Variants in TACC3 observed in about 807,000 individuals in gnomAD.
The protein encoded by TACC3 is transforming acidic coiled-coil-containing protein 3.
TACC3 carries 52 observed loss-of-function variants against 86.0 expected under a neutral mutation model. The ratio of observed to expected loss-of-function variants is 0.60; its 90% CI spans 0.48 to 0.76. The LOEUF (loss-of-function observed/expected upper bound fraction) is 0.76, where lower values mean the gene tolerates loss of function less well. TACC3 is among the 30% of genes least tolerant of loss of function. The pLI is 0.00. For missense variants in TACC3, 1,120 were observed against 1,070.4 expected, an observed-to-expected ratio of 1.05 and a Z score of -0.65; for synonymous variants, 512 against 430.0, an observed-to-expected ratio of 1.19 and a Z score of -2.36.
At position 1,723,231 on chromosome 4, in the gene TACC3, C is replaced by T. The variant is rs1717505942; in HGVS notation, c.-1-190C>T. ...CCCTGCCAGGCTGGAGAGTGAGTCT[C>T]TGAAGCAAGATGGGGACTCAGTCTG... is the stretch of plus-strand genomic sequence containing the variant. On this transcript the variant is annotated intron_variant, in intron 1 of 15. Transcript: ENST00000313288. 6.3e-6 allele frequency: 4 copies of T among 631,612 alleles called. 1 individual carries two copies. Among genetic ancestry groups the T allele is most frequent in the African/African-American group, 1.8e-5 (1 of 54,152 alleles). The allele number at this position is 631,612 out of a possible 1,614,324, so 39.1% of individuals were successfully genotyped here. A position where few individuals can be genotyped will look rare whatever the true frequency, so the allele number is the denominator to read the frequency against.
At chr4:1,741,152 A>G in intron 13 of TACC3, 166 bp downstream of exon 13, 1 of 622,138 alleles carries the variant, frequency 1.6e-6, no homozygotes, top group East Asian at 3.0e-5. Context: ...CAGGAGTCAC[A>G]GCATAGCTGG....
rs1464807043 is a variant in TACC3, at chr4:1,735,359, AC to A, written c.1644+35del. 1 of 1,613,240 alleles carries A rather than the reference AC, an allele frequency of 6.2e-7. No homozygotes were observed. Among genetic ancestry groups the A allele is most frequent in the South Asian group, 1.1e-5 (1 of 91,074 alleles). The stretch of plus-strand genomic sequence containing the variant: ...CAGGCAATTCCGCGAAGCCTCACCC[AC>A]AGGGTGTCCGAGAGCAGCCACGGCA... On this transcript the variant is annotated intron_variant, in intron 7 of 15. Coordinates refer to ENST00000313288, the MANE Select transcript of TACC3 (RefSeq NM_006342.3). This position sits in a 1 kb window ranked among gnomAD's most constrained non-coding sequence, Gnocchi z 4.2.
chr4:1,720,666 C>G, upstream of TACC3: 1 of 1,547,106 alleles, frequency 6.5e-7, no homozygotes, highest in Non-Finnish European at 8.7e-7. The surrounding 1 kb of genome is among the most constrained non-coding windows in gnomAD (Gnocchi z 4.4). Flanking sequence ...AACAGCGTGG[C>G]GGCCGTGCGG....
intron 1 of TACC3, 103 bp from the exon 2 acceptor site, chr4:1,723,318 G>C: frequency 8.3e-7 from 1 of 1,204,986 alleles, no homozygotes; most frequent in South Asian, 1.4e-5. Context: ...GAGCACACCT[G>C]TGTGGGAAGT....
intron 10 of TACC3, among the ~76,000 whole-genome samples, chr4:1,738,521 C>T (rs1208217229): frequency 6.6e-6 from 1 of 152,210 alleles, no homozygotes; most frequent in Non-Finnish European, 1.5e-5. Context: ...GTGGCCCCTG[C>T]ATGTAACTTA....
At chr4:1,733,720 G>T (rs958937043) in intron 6 of TACC3, among the ~76,000 whole-genome samples, 1 of 152,188 alleles carries the variant, frequency 6.6e-6, no homozygotes, top group African/African-American at 2.4e-5. Flanking sequence ...GCTCACGCCC[G>T]TAATCCTAGC....
chr4:1,724,126 G>A (rs1032560127), intron 3 of TACC3, among the ~76,000 whole-genome samples: 6 of 149,692 alleles, frequency 4.0e-5, no homozygotes, highest in African/African-American at 7.4e-5. Context: ...CTGCCACCAC[G>A]CCCGGCTAAT....
In TACC3 at chr4:1,733,551, C is replaced by A. The variant is rs908431627; in HGVS notation, c.1592-1722C>A. On this transcript the variant is annotated intron_variant, in intron 6 of 15. Transcript: ENST00000313288. ...GCGTACACCTATAGTCCCAGCTGCTCGGGAAGCTGAGATGGGAGGCTCGCT... is the reference window on the plus strand; with the variant it reads ...GCGTACACCTATAGTCCCAGCTGCTAGGGAAGCTGAGATGGGAGGCTCGCT... 2.6e-5 allele frequency among the ~76,000 whole-genome samples: 4 copies of A among 151,790 alleles called. No individual in the cohort carries two copies. The South Asian group carries it at 8.3e-4, about 32-fold the overall frequency.
chr4:1,744,458 A>T, intron 13 of TACC3, 60 bp from the exon 14 acceptor site: 1 of 1,505,394 alleles, frequency 6.6e-7, no homozygotes, highest in Non-Finnish European at 9.1e-7. Flanking sequence ...CCAGACACCA[A>T]GCCTGGGTGC....
intron 4 of TACC3, among the ~76,000 whole-genome samples, chr4:1,729,129 A>G (rs1717875582): frequency 6.6e-6 from 1 of 152,120 alleles, no homozygotes; most frequent in South Asian, 2.1e-4. Flanking sequence ...TGTAACTCCA[A>G]AAGCCAGGCA....
Position 1,740,894 on chromosome 4 carries a change from C to T in TACC3, c.2131C>T (p.Leu711Phe), listed in dbSNP as rs1450919243. 6.2e-7 allele frequency: 1 copy of T among 1,613,308 alleles called. No homozygotes were observed. The highest frequency in any genetic ancestry group is 1.1e-5 in the South Asian group (1 of 91,000). Residue 711 changes from leucine to phenylalanine, a missense_variant, in exon 13 of 16, where the codon CTT becomes TTT. Leu to Phe is a conservative substitution (Grantham distance 22). Transcript: ENST00000313288. ...GAAAGTTCTAAAAGAAAAAGACCAA[C>T]TTACCACAGATCTGAACTCCATGGA... ...IQKVLKEKDQ[L>F]TTDLNSMEKS...
intron 5 of TACC3, 95 bp from the exon 6 acceptor site, chr4:1,731,077 C>A: frequency 6.3e-7 from 1 of 1,593,958 alleles, no homozygotes; most frequent in South Asian, 1.1e-5. Context: ...CGCTCCCTCT[C>A]CCCCAAGTCT....
Position 1,730,826 on chromosome 4 carries a change from G to T in TACC3, c.1386-61G>T, listed in dbSNP as rs1255961157. On this transcript the variant is annotated intron_variant, in intron 4 of 15. Transcript: ENST00000313288. ...AAGGCGATGGCAGCTCAGTGCTGGA[G>T]CAGGGGACGCCGGGGTTATGGGGTG... 4 of 1,553,524 alleles carry T rather than the reference G, an allele frequency of 2.6e-6. No homozygotes were observed. The Admixed American group carries it at 6.8e-5, about 26-fold the overall frequency.
rs763799289 is a variant in TACC3, at chr4:1,745,081, T to C, written c.*68T>C. The stretch of plus-strand genomic sequence containing the variant: ...CTGTCCTGTCTGATTCTCTTAGGTG[T>C]CATGTTCTTTTTTCTGTCTTGTCTT... On this transcript the variant is annotated 3_prime_UTR_variant, in exon 16 of 16. Coordinates refer to ENST00000313288, the MANE Select transcript of TACC3 (RefSeq NM_006342.3). The C allele has an allele frequency of 2.0e-6, 3 of 1,482,066 alleles. No homozygotes were observed. Among genetic ancestry groups the C allele is most frequent in the Non-Finnish European group, 2.7e-6 (3 of 1,095,364 alleles). 91.8% of individuals were successfully genotyped at this position (1,482,066 alleles called of 1,614,324 possible). A position where few individuals can be genotyped will look rare whatever the true frequency, so the allele number is the denominator to read the frequency against.
chr4:1,739,637 G>A (rs1718467164), intron 10 of TACC3, 65 bp from the exon 11 acceptor site: 1 of 1,468,954 alleles, frequency 6.8e-7, no homozygotes, highest in Non-Finnish European at 9.3e-7. Flanking sequence ...GCCCCATCCT[G>A]TGGGGAGGTC....
chr4:1,727,416 A>G (rs1309008585), intron 3 of TACC3, among the ~76,000 whole-genome samples: 1 of 152,192 alleles, frequency 6.6e-6, no homozygotes. Context: ...TAAACAGGCA[A>G]GCAGCCCAGA....
At chr4:1,726,169 T>C (rs1260332998) in intron 3 of TACC3, among the ~76,000 whole-genome samples, 1 of 152,156 alleles carries the variant, frequency 6.6e-6, no homozygotes, top group African/African-American at 2.4e-5. Context: ...CAGTCCCACA[T>C]TGTGAGCAGC....
chr4:1,743,501 C>G (rs1370702821), intron 13 of TACC3, among the ~76,000 whole-genome samples: 4 of 151,774 alleles, frequency 2.6e-5, no homozygotes, highest in African/African-American at 9.7e-5. Flanking sequence ...TGCAGTGAGC[C>G]GAGATCATGC....
At position 1,728,762 on chromosome 4, in the gene TACC3, G is replaced by A. The variant is rs374945844; in HGVS notation, c.1360G>A (p.Glu454Lys). 6.2e-7 allele frequency: 1 copy of A among 1,609,750 alleles called. No individual in the cohort carries two copies. Among genetic ancestry groups the A allele is most frequent in the Non-Finnish European group, 8.5e-7 (1 of 1,178,740 alleles). The change falls in exon 4 of 16, where the codon GAG (glutamate) becomes AAG (lysine). Residue 454 changes from glutamate to lysine, a missense_variant. Physicochemically the swap from Glu to Lys is moderately conservative, Grantham distance 56. Coordinates refer to ENST00000313288, the MANE Select transcript of TACC3 (RefSeq NM_006342.3). Reference sequence around the variant, plus strand: ...ACAGTTGCATGCTGGGCCTGCCACGGAGGAGCCAGGTCCCTGTCTGAGCCA... The same window carrying A: ...ACAGTTGCATGCTGGGCCTGCCACGAAGGAGCCAGGTCCCTGTCTGAGCCA... Reference protein sequence around the residue: ...AEQLHAGPATEEPGPCLSQQL... With the variant: ...AEQLHAGPATKEPGPCLSQQL...
Sources: gnomAD v4.1 joint callset for allele counts (sites outside exome capture counted in the v4.1 genomes callset) on GRCh38, gnomAD v4.1.1 for gene constraint, Gnocchi (gnomAD v3.1) non-coding constraint, MANE v1.5 for transcripts, NCBI Gene and HGNC (gene_info 2026-07-23, HGNC 2026-07-21) for gene names.